The following LRRC37A3 variants were observed in gnomAD, a reference collection of about 807,000 sequenced individuals.
LRRC37A3 encodes the protein leucine-rich repeat-containing protein 37A3.
A neutral mutation model predicts 106.2 loss-of-function variants in LRRC37A3; 25 were observed. That is an observed-to-expected ratio of 0.24 (90% CI 0.17 to 0.33). The LOEUF is 0.33. Among genes scored for constraint, LRRC37A3 ranks in the 10% least tolerant of loss-of-function variants. The pLI, the probability that LRRC37A3 is intolerant of heterozygous loss-of-function variation, is 1.00. For synonymous variants in LRRC37A3, 305 were observed against 635.8 expected (o/e 0.48, Z 7.83); for missense variants, 712 against 1,644.9 (o/e 0.43, Z 9.81).
intron 2 of LRRC37A3, among the ~76,000 whole-genome samples, chr17:64,904,138 C>CAA (rs112214563): frequency 1.5e-5 from 2 of 136,012 alleles, no homozygotes; most frequent in Admixed American, 7.4e-5. Flanking sequence ...GACTCTGCTT[C>CAA]AAAAAAAAAA....
chr17:64,855,689 C>A (rs1287849990), intron 14 of LRRC37A3, 151 bp downstream of exon 14: 1 of 1,161,166 alleles, frequency 8.6e-7, no homozygotes, highest in Non-Finnish European at 1.2e-6. Flanking sequence ...GTAATCCCAG[C>A]TACTCGGGAG....
intron 8 of LRRC37A3, chr17:64,877,076 T>A (rs1327396552): frequency 6.6e-6 from 1 of 152,176 alleles, no homozygotes; most frequent in African/African-American, 2.4e-5. Flanking sequence ...CAATTGTTGT[T>A]TTTTTGAGTG....
intron 2 of LRRC37A3, among the ~76,000 whole-genome samples, chr17:64,903,776 T>A (rs1321952888): frequency 6.6e-6 from 1 of 152,100 alleles, no homozygotes; most frequent in Admixed American, 6.5e-5. Flanking sequence ...CAACGTCAGT[T>A]ATCAATTGAG....
In LRRC37A3 at chr17:64,854,330, G is replaced by A. The variant is rs1329478390; in HGVS notation, c.*269C>T. The A allele has an allele frequency of 2.4e-5, 14 of 582,486 alleles. No individual in the cohort carries two copies. The highest frequency in any genetic ancestry group is 4.3e-5 in the Non-Finnish European group (14 of 328,660). 36.1% of individuals were successfully genotyped at this position (582,486 alleles called of 1,614,324 possible). A position where few individuals can be genotyped will look rare whatever the true frequency, so the allele number is the denominator to read the frequency against. On this transcript the variant is annotated 3_prime_UTR_variant, in exon 15 of 15. Coordinates refer to ENST00000584306, the MANE Select transcript of LRRC37A3 (RefSeq NM_199340.5). The stretch of plus-strand genomic sequence containing the variant: ...CTGTGGGCAGGAGTTCAAGTATGTG[G>A]TATTATATGACTGGTGCTTGATGAA...
chr17:64,913,499 C>CTAGGCTATT (rs1484858256), intron 2 of LRRC37A3, among the ~76,000 whole-genome samples: 5 of 152,010 alleles, frequency 3.3e-5, no homozygotes, highest in African/African-American at 1.2e-4. Context: ...TGCCACCACA[C>CTAGGCTATT]TAGGCTATTT....
chr17:64,910,636 C>T (rs1469358897), intron 2 of LRRC37A3, among the ~76,000 whole-genome samples: 2 of 146,732 alleles, frequency 1.4e-5, no homozygotes, highest in Non-Finnish European at 3.0e-5. Context: ...CATTGTCCCC[C>T]CTTTTTTTTT....
In LRRC37A3 at chr17:64,890,580, C is replaced by T. The variant is rs866274233; in HGVS notation, c.2682-828G>A. 1.4e-3 allele frequency among the ~76,000 whole-genome samples: 143 copies of T among 101,430 alleles called. 3 individuals carry two copies. Among genetic ancestry groups the T allele is most frequent in the African/African-American group, 7.9e-3 (135 of 17,058 alleles). 66.5% of individuals were successfully genotyped at this position (101,430 alleles called of 152,430 possible). A position where few individuals can be genotyped will look rare whatever the true frequency, so the allele number is the denominator to read the frequency against. ...GGCGTGGTGGCTCATGCCTGTAATCCCAGCACTCTGGAAAGCCAAGGTGGG... is the reference window on the plus strand; with the variant it reads ...GGCGTGGTGGCTCATGCCTGTAATCTCAGCACTCTGGAAAGCCAAGGTGGG... On this transcript the variant is annotated intron_variant, in intron 5 of 14. Transcript: ENST00000584306.
chr17:64,875,595 C>G (rs1973484026), intron 8 of LRRC37A3, among the ~76,000 whole-genome samples: 1 of 152,032 alleles, frequency 6.6e-6, no homozygotes, highest in African/African-American at 2.4e-5. Flanking sequence ...TTGAGACCAG[C>G]CTGGCAAACA....
At chr17:64,864,749 A>G (rs1972999114) in intron 10 of LRRC37A3, among the ~76,000 whole-genome samples, 1 of 151,606 alleles carries the variant, frequency 6.6e-6, no homozygotes, top group Non-Finnish European at 1.5e-5. Context: ...ATGAATTTTG[A>G]GGATCAAATG....
intron 2 of LRRC37A3, among the ~76,000 whole-genome samples, chr17:64,915,928 T>A (rs1228123964): frequency 6.6e-6 from 1 of 151,812 alleles, no homozygotes; most frequent in African/African-American, 2.4e-5. Flanking sequence ...CGAAACCCCA[T>A]CTCTATTAAA....
chr17:64,875,203 G>A (rs916081768), intron 8 of LRRC37A3, among the ~76,000 whole-genome samples: 14 of 152,168 alleles, frequency 9.2e-5, no homozygotes, highest in African/African-American at 3.4e-4. Flanking sequence ...CTTAAGCCTG[G>A]GAGGTGGAGG....
chr17:64,913,337 G>GTTTTT (rs945846426), intron 2 of LRRC37A3, among the ~76,000 whole-genome samples: 2 of 103,756 alleles, frequency 1.9e-5, no homozygotes, highest in Admixed American at 2.0e-4. Context: ...CCTATTTTGG[G>GTTTTT]TTTTTTTTTT....
At position 64,905,361 on chromosome 17, in the gene LRRC37A3, CA is replaced by C. The variant is rs1974439530; in HGVS notation, c.-495-6903del. 4 of 435,294 alleles carry C rather than the reference CA, an allele frequency of 9.2e-6. No homozygotes were observed. In the South Asian group the frequency reaches 9.8e-5, roughly 11 times the overall value. The allele number at this position is 435,294 out of a possible 1,614,324, so 27.0% of individuals were successfully genotyped here. A position where few individuals can be genotyped will look rare whatever the true frequency, so the allele number is the denominator to read the frequency against. The stretch of plus-strand genomic sequence containing the variant: ...TCGCCTTATCCACAGGCTCCTCCAC[CA>C]AGCCAAGGCCAGACTCCTGCAATCA... On this transcript the variant is annotated intron_variant, in intron 2 of 14. Coordinates refer to ENST00000584306, the MANE Select transcript of LRRC37A3 (RefSeq NM_199340.5).
rs1218172930 is a variant in LRRC37A3, at chr17:64,863,971, ATTTTTTT to A, written c.3054-960_3054-954del. ...AGGCTTGCACCACCATGCCCAGCTAATTTTTTTTTTTTTTTTTTTTTTTACTTTTGTA... is the reference window on the plus strand; with the variant it reads ...AGGCTTGCACCACCATGCCCAGCTAATTTTTTTTTTTTTTTTACTTTTGTA... On this transcript the variant is annotated intron_variant, in intron 10 of 14. Coordinates refer to ENST00000584306, the MANE Select transcript of LRRC37A3 (RefSeq NM_199340.5). Among the ~76,000 whole-genome samples, 5 of 129,018 alleles carry A rather than the reference ATTTTTTT, an allele frequency of 3.9e-5. No individual in the cohort carries two copies. The East Asian group carries it at 6.5e-4, about 17-fold the overall frequency. The allele number at this position is 129,018 out of a possible 152,430, so 84.6% of individuals were successfully genotyped here. A position where few individuals can be genotyped will look rare whatever the true frequency, so the allele number is the denominator to read the frequency against.
Position 64,919,428 on chromosome 17 carries a change from C to G in LRRC37A3, c.-617+3G>C, listed in dbSNP as rs1368246018. On this transcript the variant is annotated splice_donor_region_variant and intron_variant, in intron 1 of 14. Transcript: ENST00000584306. ...GGCTCAATCCGAATGGCTGGGGCCTCACTGCGGATCGCCTTCAGCCGCCAT... is the reference window on the plus strand; with the variant it reads ...GGCTCAATCCGAATGGCTGGGGCCTGACTGCGGATCGCCTTCAGCCGCCAT... 2.1e-6 allele frequency: 1 copy of G among 469,636 alleles called. No individual in the cohort carries two copies. The highest frequency in any genetic ancestry group is 3.8e-6 in the Non-Finnish European group (1 of 264,726). The allele number at this position is 469,636 out of a possible 1,614,324, so 29.1% of individuals were successfully genotyped here.
chr17:64,863,118 C>A, intron 10 of LRRC37A3, 100 bp from the exon 11 acceptor site: 11 of 1,521,292 alleles, frequency 7.2e-6, no homozygotes, highest in Non-Finnish European at 9.9e-6. Flanking sequence ...AAAAAGGTAT[C>A]ATTGAAGCCT....
At chr17:64,916,033 G>A (rs1974693850) in intron 2 of LRRC37A3, among the ~76,000 whole-genome samples, 3 of 152,126 alleles carry the variant, frequency 2.0e-5, no homozygotes, top group African/African-American at 7.2e-5. Context: ...ACCTGGGGTC[G>A]AGGGGAATGA....
At chr17:64,871,085 G>T (rs1445676575) in intron 8 of LRRC37A3, among the ~76,000 whole-genome samples, 12 of 151,266 alleles carry the variant, frequency 7.9e-5, no homozygotes, top group Admixed American at 7.9e-4. Flanking sequence ...TTGCCAGGCT[G>T]GTCTTGAACT....
At chr17:64,913,133 A>C (rs1458276837) in intron 2 of LRRC37A3, among the ~76,000 whole-genome samples, 3 of 151,272 alleles carry the variant, frequency 2.0e-5, no homozygotes, top group Non-Finnish European at 4.4e-5. Context: ...GCTTCAAGCA[A>C]TTCTCTGGCC....
Sources: gnomAD v4.1 joint callset for allele counts (sites outside exome capture counted in the v4.1 genomes callset) on GRCh38, gnomAD v4.1.1 for gene constraint, MANE v1.5 for transcripts, NCBI Gene and HGNC (gene_info 2026-07-23, HGNC 2026-07-21) for gene names.